Variants in LHFPL3 observed in about 807,000 individuals in gnomAD.
The protein encoded by LHFPL3 is LHFPL tetraspan subfamily member 3 protein.
LHFPL3 carries 5 observed loss-of-function variants against 19.3 expected under a neutral mutation model. The ratio of observed to expected loss-of-function variants is 0.26; its 90% confidence interval spans 0.14 to 0.54. LHFPL3 has a LOEUF of 0.54. LHFPL3 is among the 20% of genes least tolerant of loss of function. The probability of loss-of-function intolerance (pLI) is 0.94; values close to 1 mark genes in which losing one functional copy is unlikely to be tolerated. For synonymous variants in LHFPL3, 133 were observed against 126.2 expected (o/e 1.05, Z -0.36); for missense variants, 249 against 307.4 (o/e 0.81, Z 1.42).
intron 1 of LHFPL3, among the ~76,000 whole-genome samples, chr7:104,439,917 G>C (rs1792182787): frequency 6.6e-6 from 1 of 151,330 alleles, no homozygotes; most frequent in African/African-American, 2.4e-5. Flanking sequence ...TTCACAATGT[G>C]ATCATTTGCT....
intron 1 of LHFPL3, among the ~76,000 whole-genome samples, chr7:104,525,833 C>T (rs1295986966): frequency 2.0e-5 from 3 of 152,070 alleles, no homozygotes; most frequent in African/African-American, 7.2e-5. Flanking sequence ...TCTCGAACTC[C>T]TGACCTCGTA....
At chr7:104,523,068 T>G (rs1166255807) in intron 1 of LHFPL3, among the ~76,000 whole-genome samples, 2 of 148,216 alleles carry the variant, frequency 1.3e-5, no homozygotes, top group Non-Finnish European at 3.0e-5. Context: ...TACACATATA[T>G]ATACACATAT....
At chr7:104,500,089 AT>A (rs1793572405) in intron 1 of LHFPL3, among the ~76,000 whole-genome samples, 2 of 152,158 alleles carry the variant, frequency 1.3e-5, no homozygotes. Flanking sequence ...TCCAGGACTG[AT>A]TCAGTCCGAG....
At chr7:104,776,422 T>C (rs894885645) in intron 2 of LHFPL3, among the ~76,000 whole-genome samples, 8 of 152,078 alleles carry the variant, frequency 5.3e-5, no homozygotes, top group Admixed American at 1.3e-4. Context: ...CACCCCAAAA[T>C]TGTAGTCAAG....
intron 1 of LHFPL3, among the ~76,000 whole-genome samples, chr7:104,616,105 A>G (rs893330218): frequency 6.6e-6 from 1 of 152,224 alleles, no homozygotes; most frequent in Non-Finnish European, 1.5e-5. Context: ...TCAAGCTACC[A>G]TTGACTTTCT....
At chr7:104,517,565 G>C (rs1374061472) in intron 1 of LHFPL3, among the ~76,000 whole-genome samples, 1 of 145,494 alleles carries the variant, frequency 6.9e-6, no homozygotes, top group African/African-American at 2.6e-5. Context: ...GGAGTGCAAT[G>C]GTGTGTTCTT....
intron 1 of LHFPL3, among the ~76,000 whole-genome samples, chr7:104,482,239 C>A (rs1024158872): frequency 1.3e-5 from 2 of 152,200 alleles, no homozygotes; most frequent in African/African-American, 4.8e-5. Context: ...TGCTGTTACC[C>A]ACTTCCCTCA....
chr7:104,505,293 G>A (rs528135400), intron 1 of LHFPL3, among the ~76,000 whole-genome samples: 7 of 152,290 alleles, frequency 4.6e-5, no homozygotes, highest in Admixed American at 3.3e-4. Flanking sequence ...TTTTACCTGG[G>A]CTGCATTTAT....
At chr7:104,815,905 T>C (rs989002048) in intron 2 of LHFPL3, among the ~76,000 whole-genome samples, 1 of 152,172 alleles carries the variant, frequency 6.6e-6, no homozygotes, top group Non-Finnish European at 1.5e-5. Context: ...CCCTTTCCCC[T>C]TTGAAGAATG....
At chr7:104,881,889 G>T (rs528294724) in intron 2 of LHFPL3, among the ~76,000 whole-genome samples, 6 of 152,166 alleles carry the variant, frequency 3.9e-5, no homozygotes, top group Admixed American at 3.9e-4. Context: ...ATGGAGGCAG[G>T]ACACCTCCAT....
chr7:104,579,013 T>G (rs1004894169), intron 1 of LHFPL3, among the ~76,000 whole-genome samples: 1 of 152,212 alleles, frequency 6.6e-6, no homozygotes, highest in African/African-American at 2.4e-5. Context: ...TGGAAGCATT[T>G]GAGAGCCCTA....
intron 1 of LHFPL3, among the ~76,000 whole-genome samples, chr7:104,543,703 G>T (rs1165274980): frequency 7.1e-6 from 1 of 141,124 alleles, no homozygotes; most frequent in Admixed American, 7.5e-5. Context: ...CTCATAGGTG[G>T]GAATTGAACA....
chr7:104,703,742 T>C lies in LHFPL3; in HGVS notation c.446-32933T>C, dbSNP rs543583457. On this transcript the variant is annotated intron_variant, in intron 1 of 2. Coordinates refer to ENST00000424859, the MANE Select transcript of LHFPL3 (RefSeq NM_199000.3). The stretch of plus-strand genomic sequence containing the variant: ...TGTGATAACTAATATTTTTGAATTA[T>C]TTCTTTCATTTATTTTATTTTAGGT... 2.0e-5 allele frequency among the ~76,000 whole-genome samples: 3 copies of C among 152,364 alleles called. No individual in the cohort carries two copies. In the East Asian group the frequency reaches 5.8e-4, roughly 29 times the overall value.
intron 1 of LHFPL3, among the ~76,000 whole-genome samples, chr7:104,680,287 A>G (rs1412358134): frequency 6.6e-6 from 1 of 151,984 alleles, no homozygotes; most frequent in Non-Finnish European, 1.5e-5. Flanking sequence ...ATTGTATCCC[A>G]CTCCTTTGGC....
At chr7:104,807,812 C>T (rs571057187) in intron 2 of LHFPL3, among the ~76,000 whole-genome samples, 153 of 152,354 alleles carry the variant, frequency 1.0e-3, no homozygotes, top group African/African-American at 3.4e-3. Flanking sequence ...CTCCATCCAA[C>T]CACTCACTGA....
At chr7:104,450,087 T>C (rs1007036115) in intron 1 of LHFPL3, among the ~76,000 whole-genome samples, 5 of 152,240 alleles carry the variant, frequency 3.3e-5, no homozygotes, top group African/African-American at 1.2e-4. Flanking sequence ...ATTTATTTTC[T>C]ATACTTTTTC....
At chr7:104,552,848 G>C (rs564939193) in intron 1 of LHFPL3, among the ~76,000 whole-genome samples, 1 of 152,202 alleles carries the variant, frequency 6.6e-6, no homozygotes, top group African/African-American at 2.4e-5. Context: ...CTTAAATCTG[G>C]AAATAGAAAG....
chr7:104,328,698 C>A lies in LHFPL3; in HGVS notation c.-82C>A, dbSNP rs1279459483. Reference sequence around the variant, plus strand: ...CAGGGGAGTTGCAGCGCGCGAGGCTCCGTGAGTGTGTCTCCTGCGCGCTGA... The same window carrying A: ...CAGGGGAGTTGCAGCGCGCGAGGCTACGTGAGTGTGTCTCCTGCGCGCTGA... On this transcript the variant is annotated 5_prime_UTR_variant, in exon 1 of 3. Transcript: ENST00000424859. The surrounding 1 kb of genome is among the most constrained non-coding windows in gnomAD (Gnocchi z 4.6). 3 of 1,274,466 alleles carry A rather than the reference C, an allele frequency of 2.4e-6. No individual in the cohort carries two copies. In the East Asian group the frequency reaches 7.6e-5, roughly 32 times the overall value. 78.9% of individuals were successfully genotyped at this position (1,274,466 alleles called of 1,614,324 possible). A position where few individuals can be genotyped will look rare whatever the true frequency, so the allele number is the denominator to read the frequency against.
intron 1 of LHFPL3, among the ~76,000 whole-genome samples, chr7:104,557,408 G>A (rs1016365486): frequency 5.3e-5 from 8 of 152,170 alleles, no homozygotes; most frequent in Non-Finnish European, 8.8e-5. Flanking sequence ...ATTGTGCAAG[G>A]AAACTGTCAT....
Sources: gnomAD v4.1 joint callset for allele counts (sites outside exome capture counted in the v4.1 genomes callset) on GRCh38, gnomAD v4.1.1 for gene constraint, Gnocchi (gnomAD v3.1) non-coding constraint, MANE v1.5 for transcripts, NCBI Gene and HGNC (gene_info 2026-07-23, HGNC 2026-07-21) for gene names.